The following C11orf97 variants were observed in gnomAD, a reference collection of about 807,000 sequenced individuals.
The protein encoded by C11orf97 is chromosome 11 open reading frame 97.
C11orf97 carries 15 observed loss-of-function variants against 16.2 expected under a neutral mutation model. That is an observed-to-expected ratio of 0.93 (90% CI 0.62 to 1.43). The LOEUF is 1.43. C11orf97 is among the 40% of genes most tolerant of loss of function. C11orf97 has a pLI of 0.00. For missense variants in C11orf97, 171 were observed against 161.2 expected, an observed-to-expected ratio of 1.06 and a Z score of -0.33; for synonymous variants, 61 against 65.7, an observed-to-expected ratio of 0.93 and a Z score of 0.34.
intron 1 of C11orf97, among the ~76,000 whole-genome samples, chr11:94,513,302 T>C (rs1050530806): frequency 3.9e-5 from 6 of 152,236 alleles, no homozygotes; most frequent in Admixed American, 3.3e-4. Context: ...AAGACAGTTC[T>C]GGCCCACAGC....
In C11orf97 at chr11:94,532,074, A is replaced by G; in HGVS notation, c.*174A>G. The G allele has an allele frequency of 2.4e-6, 1 of 423,286 alleles. No individual in the cohort carries two copies. Among genetic ancestry groups the G allele is most frequent in the Non-Finnish European group, 4.1e-6 (1 of 246,800 alleles). 26.2% of individuals were successfully genotyped at this position (423,286 alleles called of 1,614,324 possible). ...AATTAATCCAAAGTAATGAAAGACT[A>G]TTGGTAATGTTCAGTAAGTACCTGA... On this transcript the variant is annotated 3_prime_UTR_variant, in exon 4 of 4. Coordinates refer to ENST00000542198, the MANE Select transcript of C11orf97 (RefSeq NM_001190462.2).
At chr11:94,512,891 G>T (rs950045465) in intron 1 of C11orf97, among the ~76,000 whole-genome samples, 4 of 152,014 alleles carry the variant, frequency 2.6e-5, no homozygotes, top group Non-Finnish European at 4.4e-5. Context: ...CTGAATTCAG[G>T]GTCTGGGCAT....
intron 2 of C11orf97, among the ~76,000 whole-genome samples, chr11:94,526,364 G>T (rs1032975263): frequency 6.6e-6 from 1 of 152,062 alleles, no homozygotes; most frequent in African/African-American, 2.4e-5. Context: ...ACCATATTTT[G>T]CTTTGAGAGT....
At chr11:94,524,194 A>C (rs1045096208) in intron 2 of C11orf97, among the ~76,000 whole-genome samples, 1 of 152,174 alleles carries the variant, frequency 6.6e-6, no homozygotes, top group Non-Finnish European at 1.5e-5. Context: ...TCTTGCAATA[A>C]CCCAGTGAGA....
chr11:94,528,100 T>A lies in C11orf97; in HGVS notation c.267T>A (p.Ile89=). Reference sequence around the variant, plus strand: ...TATTGACAGTGGCCCTGGAAGGGATTTGGAGCATTAAAAGGAATCTGCCTG... The same window carrying A: ...TATTGACAGTGGCCCTGGAAGGGATATGGAGCATTAAAAGGAATCTGCCTG... ...KNPAAVALEG[I]WSIKRNLPVG... The change falls in exon 3 of 4, where the codon ATT becomes ATA. Residue 89 remains isoleucine (I), a synonymous_variant. Coordinates refer to ENST00000542198, the MANE Select transcript of C11orf97 (RefSeq NM_001190462.2). The A allele has an allele frequency of 1.3e-6, 2 of 1,534,704 alleles. No individual in the cohort carries two copies. The highest frequency in any genetic ancestry group is 1.7e-6 in the Non-Finnish European group (2 of 1,146,202).
intron 2 of C11orf97, among the ~76,000 whole-genome samples, chr11:94,527,019 A>C (rs1470345238): frequency 3.9e-5 from 6 of 152,210 alleles, no homozygotes; most frequent in Non-Finnish European, 8.8e-5. Flanking sequence ...AGTACAAAGC[A>C]CTTTACAGCC....
intron 3 of C11orf97, among the ~76,000 whole-genome samples, chr11:94,529,601 A>G (rs1947723892): frequency 6.6e-6 from 1 of 152,208 alleles, no homozygotes; most frequent in African/African-American, 2.4e-5. Flanking sequence ...ACTACCTACA[A>G]TCCCATGTCT....
chr11:94,517,885 C>T (rs1371544203), intron 2 of C11orf97, among the ~76,000 whole-genome samples, 198 bp downstream of exon 2: 1 of 151,954 alleles, frequency 6.6e-6, no homozygotes, highest in African/African-American at 2.4e-5. Flanking sequence ...CACGGTGGCT[C>T]ACGCCTGTAA....
At chr11:94,522,394 G>A (rs766935212) in intron 2 of C11orf97, among the ~76,000 whole-genome samples, 49 of 152,068 alleles carry the variant, frequency 3.2e-4, no homozygotes, top group African/African-American at 1.4e-4. Flanking sequence ...AAAATTAGCC[G>A]GGCGTGGTGG....
chr11:94,526,459 C>G (rs189429725), intron 2 of C11orf97, among the ~76,000 whole-genome samples: 1 of 152,312 alleles, frequency 6.6e-6, no homozygotes, highest in Non-Finnish European at 1.5e-5. Flanking sequence ...AAAGAGCACA[C>G]TTCATTTAGT....
At chr11:94,519,030 T>G (rs1213463099) in intron 2 of C11orf97, among the ~76,000 whole-genome samples, 1 of 152,008 alleles carries the variant, frequency 6.6e-6, no homozygotes, top group African/African-American at 2.4e-5. Context: ...TGCCTCAGCC[T>G]CCTGAGTAGC....
intron 2 of C11orf97, among the ~76,000 whole-genome samples, chr11:94,521,346 G>C (rs1352736259): frequency 1.3e-5 from 2 of 152,218 alleles, no homozygotes; most frequent in Non-Finnish European, 2.9e-5. Flanking sequence ...TTTGAATGCT[G>C]CTCTTTTCCT....
At chr11:94,522,579 G>A (rs547562085) in intron 2 of C11orf97, among the ~76,000 whole-genome samples, 1 of 151,986 alleles carries the variant, frequency 6.6e-6, no homozygotes, top group African/African-American at 2.4e-5. Flanking sequence ...ACCTCTCCCC[G>A]ACTTGCTGCT....
intron 3 of C11orf97, among the ~76,000 whole-genome samples, chr11:94,529,736 C>T (rs1238255073): frequency 1.3e-5 from 2 of 152,210 alleles, no homozygotes; most frequent in African/African-American, 4.8e-5. Context: ...CACTGTGCAA[C>T]AAGCAACAGT....
chr11:94,521,473 C>T (rs34558505), intron 2 of C11orf97, among the ~76,000 whole-genome samples: 3,076 of 152,258 alleles, frequency 0.02, 59 homozygotes, highest in African/African-American at 0.047. Flanking sequence ...GTAGGCTAGG[C>T]GAAGCTATGA....
intron 2 of C11orf97, 56 bp from the exon 3 acceptor site, chr11:94,528,028 G>A: frequency 6.9e-7 from 1 of 1,446,508 alleles, no homozygotes; most frequent in African/African-American, 1.4e-5. Flanking sequence ...TAAAAACTCT[G>A]TGCTAAAAAG....
At chr11:94,529,572 T>G (rs929587790) in intron 3 of C11orf97, among the ~76,000 whole-genome samples, 1 of 152,214 alleles carries the variant, frequency 6.6e-6, no homozygotes, top group African/African-American at 2.4e-5. Flanking sequence ...GTAAGAAAAC[T>G]GAGGCATAGA....
At chr11:94,530,518 T>C (rs1229109071) in intron 3 of C11orf97, among the ~76,000 whole-genome samples, 4 of 152,242 alleles carry the variant, frequency 2.6e-5, no homozygotes, top group Non-Finnish European at 5.9e-5. Context: ...TTGTCAGTAG[T>C]AATTAATACA....
chr11:94,515,693 T>C (rs1209475196), intron 1 of C11orf97, among the ~76,000 whole-genome samples: 1 of 151,762 alleles, frequency 6.6e-6, no homozygotes, highest in Non-Finnish European at 1.5e-5. Flanking sequence ...TCTCCTTTCC[T>C]TCCTGGCCAA....
Sources: allele counts gnomAD v4.1 joint callset (sites outside exome capture counted in the v4.1 genomes callset), GRCh38; gene constraint gnomAD v4.1.1; transcripts MANE v1.5; gene names NCBI Gene and HGNC (gene_info 2026-07-23, HGNC 2026-07-21).